ACTR3B: variants seen among roughly 807,000 people sequenced by gnomAD.
ACTR3B encodes the protein actin related protein 3B.
A neutral mutation model predicts 59.0 loss-of-function variants in ACTR3B; 8 were observed. That is an observed-to-expected ratio of 0.14 (90% CI 0.08 to 0.24). The LOEUF (loss-of-function observed/expected upper bound fraction) is 0.24, where lower values mean the gene tolerates loss of function less well. Among genes scored for constraint, ACTR3B ranks in the 10% least tolerant of loss-of-function variants. The probability of loss-of-function intolerance (pLI) is 1.00; values close to 1 mark genes in which losing one functional copy is unlikely to be tolerated. For synonymous variants in ACTR3B, 148 were observed against 197.9 expected (o/e 0.75, Z 2.12); for missense variants, 245 against 552.3 (o/e 0.44, Z 5.58).
At chr7:152,774,486 C>G (rs570507146) in intron 1 of ACTR3B, among the ~76,000 whole-genome samples, 3 of 151,346 alleles carry the variant, frequency 2.0e-5, no homozygotes, top group Non-Finnish European at 2.9e-5. Context: ...TTTTGTTTTG[C>G]TTTGGTTTTA....
chr7:152,853,802 C>T (rs1799039246), intron 11 of ACTR3B, among the ~76,000 whole-genome samples: 4 of 152,034 alleles, frequency 2.6e-5, no homozygotes, highest in South Asian at 4.2e-4. Flanking sequence ...CTGCAACCTC[C>T]GCCTCCCGGG....
At chr7:152,767,538 G>C (rs1237458260) in intron 1 of ACTR3B, among the ~76,000 whole-genome samples, 1 of 152,098 alleles carries the variant, frequency 6.6e-6, no homozygotes, top group African/African-American at 2.4e-5. Flanking sequence ...AAGCCTGATG[G>C]CATTTTTATT....
intron 1 of ACTR3B, among the ~76,000 whole-genome samples, chr7:152,774,553 G>A (rs1460321494): frequency 9.2e-5 from 14 of 152,060 alleles, no homozygotes; most frequent in East Asian, 1.9e-4. Context: ...CATTTAAACA[G>A]TTAAAACACT....
intron 1 of ACTR3B, 56 bp downstream of exon 1, chr7:152,759,982 G>C: frequency 7.8e-7 from 1 of 1,287,930 alleles, no homozygotes; most frequent in Non-Finnish European, 9.9e-7. Flanking sequence ...CCCGGCCCCT[G>C]GCGTCCACCT....
Position 152,819,559 on chromosome 7 carries a change from G to A in ACTR3B, c.541-740G>A, listed in dbSNP as rs562793592. On this transcript the variant is annotated intron_variant, in intron 6 of 11. Coordinates refer to ENST00000256001, the MANE Select transcript of ACTR3B (RefSeq NM_020445.6). ...ATGAGGGAGCTTTGGGCCCATCATTGCTGTGGGCATGTGGACACTTGACAC... is the reference window on the plus strand; with the variant it reads ...ATGAGGGAGCTTTGGGCCCATCATTACTGTGGGCATGTGGACACTTGACAC... Among the ~76,000 whole-genome samples the A allele has an allele frequency of 2.0e-4, 30 of 152,340 alleles. No individual in the cohort carries two copies. The South Asian group carries it at 6.0e-3, about 31-fold the overall frequency.
At chr7:152,853,890 T>G (rs1263738967) in intron 11 of ACTR3B, among the ~76,000 whole-genome samples, 1 of 151,924 alleles carries the variant, frequency 6.6e-6, no homozygotes, top group African/African-American at 2.4e-5. Context: ...CTCATTTTTT[T>G]TTGTTGTATT....
intron 6 of ACTR3B, among the ~76,000 whole-genome samples, chr7:152,817,915 A>G (rs1322910397): frequency 6.6e-6 from 1 of 152,220 alleles, no homozygotes; most frequent in Non-Finnish European, 1.5e-5. Flanking sequence ...CGATGGGCCT[A>G]CAGTCAGGGA....
rs1194769820 is a variant in ACTR3B, at chr7:152,853,236, C to T, written c.1078-258C>T. On this transcript the variant is annotated intron_variant, in intron 10 of 11. Transcript: ENST00000256001. ...TGGATTTTGTGCTTTTGAACTTTAG[C>T]GCTTTGAGCCTTGTGAGAGGGAGGT... 2.7e-5 allele frequency among the ~76,000 whole-genome samples: 4 copies of T among 150,906 alleles called. No homozygotes were observed. The South Asian group carries it at 8.4e-4, about 32-fold the overall frequency.
intron 2 of ACTR3B, among the ~76,000 whole-genome samples, chr7:152,791,355 T>C (rs2098195646): frequency 6.6e-6 from 1 of 152,228 alleles, no homozygotes; most frequent in Non-Finnish European, 1.5e-5. Context: ...TTCATCATTA[T>C]AGCTGAAGTG....
Position 152,778,924 on chromosome 7 carries a change from C to T in ACTR3B, c.45-4263C>T, listed in dbSNP as rs1336955417. 4.5e-5 allele frequency among the ~76,000 whole-genome samples: 5 copies of T among 111,260 alleles called. No homozygotes were observed. In the Admixed American group the frequency reaches 5.2e-4, roughly 11 times the overall value. The allele number at this position is 111,260 out of a possible 152,430, so 73.0% of individuals were successfully genotyped here. A position where few individuals can be genotyped will look rare whatever the true frequency, so the allele number is the denominator to read the frequency against. Reference sequence around the variant, plus strand: ...CACCACTGTACTCCAGCCTGGGTGACAGAGTGAGACTGTGTCTCCAAAAAA... The same window carrying T: ...CACCACTGTACTCCAGCCTGGGTGATAGAGTGAGACTGTGTCTCCAAAAAA... On this transcript the variant is annotated intron_variant, in intron 1 of 11. Transcript: ENST00000256001.
chr7:152,853,790 C>T (rs188866035), intron 11 of ACTR3B, among the ~76,000 whole-genome samples: 1 of 152,206 alleles, frequency 6.6e-6, no homozygotes, highest in East Asian at 1.9e-4. Flanking sequence ...GATCTCAGCT[C>T]ACTGCAACCT....
intron 2 of ACTR3B, among the ~76,000 whole-genome samples, chr7:152,791,541 A>G (rs1159907981): frequency 6.6e-6 from 1 of 152,284 alleles, no homozygotes; most frequent in Non-Finnish European, 1.5e-5. Context: ...TATAACCAGA[A>G]GTGAGACCCT....
intron 2 of ACTR3B, among the ~76,000 whole-genome samples, chr7:152,792,778 C>T (rs11767293): frequency 0.49 from 72,437 of 146,918 alleles, 17,683 homozygotes; most frequent in East Asian, 0.67. Flanking sequence ...AAAACAAAAA[C>T]AACAACAACA....
At chr7:152,850,197 C>T (rs1798685872) in intron 9 of ACTR3B, among the ~76,000 whole-genome samples, 1 of 151,112 alleles carries the variant, frequency 6.6e-6, no homozygotes, top group Non-Finnish European at 1.5e-5. Context: ...TCACTGGTGG[C>T]TTCTCCAGGT....
chr7:152,846,780 G>A (rs199718744), intron 9 of ACTR3B, among the ~76,000 whole-genome samples: 3 of 143,384 alleles, frequency 2.1e-5, no homozygotes, highest in East Asian at 4.3e-4. Flanking sequence ...CGGGGCTGTA[G>A]TCTGTAGTGA....
intron 1 of ACTR3B, among the ~76,000 whole-genome samples, chr7:152,766,860 C>G (rs2098112030): frequency 6.6e-6 from 1 of 152,152 alleles, no homozygotes. Flanking sequence ...AGTCTCCACT[C>G]AGTGCAACCT....
chr7:152,761,471 C>T (rs2098089072), intron 1 of ACTR3B, among the ~76,000 whole-genome samples: 1 of 152,090 alleles, frequency 6.6e-6, no homozygotes, highest in Non-Finnish European at 1.5e-5. Flanking sequence ...AGTTGTCATA[C>T]CTTTAAGATT....
At chr7:152,810,408 G>GTTTTTTTTTTT (rs1165466125) in intron 4 of ACTR3B, among the ~76,000 whole-genome samples, 1 of 126,918 alleles carries the variant, frequency 7.9e-6, no homozygotes, top group Admixed American at 8.4e-5. Context: ...CACCCAGCCT[G>GTTTTTTTTTTT]TTTTTTTTTT....
chr7:152,852,976 A>G (rs1798944015), intron 10 of ACTR3B, among the ~76,000 whole-genome samples: 1 of 151,896 alleles, frequency 6.6e-6, no homozygotes, highest in Admixed American at 6.6e-5. Flanking sequence ...TATTTTTAGT[A>G]GAGATGGGGT....
Sources: gnomAD v4.1 joint callset for allele counts (sites outside exome capture counted in the v4.1 genomes callset) on GRCh38, gnomAD v4.1.1 for gene constraint, MANE v1.5 for transcripts, NCBI Gene and HGNC (gene_info 2026-07-23, HGNC 2026-07-21) for gene names.